The following DNMT1 variants were observed in gnomAD, a reference collection of about 807,000 sequenced individuals.
DNMT1 encodes DNA (cytosine-5)-methyltransferase 1.
Under a neutral mutation model 205.3 loss-of-function variants are expected in DNMT1, and 24 were observed. That is an observed-to-expected ratio of 0.12 (90% CI 0.08 to 0.16). DNMT1 has a LOEUF of 0.16. DNMT1 is among the 10% of genes least tolerant of loss of function. The pLI, the probability that DNMT1 is intolerant of heterozygous loss-of-function variation, is 1.00. For synonymous variants in DNMT1, 817 were observed against 839.8 expected, an observed-to-expected ratio of 0.97 and a Z score of 0.47; for missense variants, 1,293 against 2,177.7, an observed-to-expected ratio of 0.59 and a Z score of 8.09.
At chr19:10,157,792 C>T (rs1013885603) in intron 17 of DNMT1, among the ~76,000 whole-genome samples, 4 of 152,184 alleles carry the variant, frequency 2.6e-5, no homozygotes, top group Non-Finnish European at 5.9e-5. Flanking sequence ...ATGAAGCCAG[C>T]GTGGATCAAG....
At chr19:10,167,834 G>T (rs1036138146) in intron 10 of DNMT1, among the ~76,000 whole-genome samples, 25 of 152,266 alleles carry the variant, frequency 1.6e-4, no homozygotes, top group African/African-American at 4.8e-4. Flanking sequence ...GGGCCCTGGG[G>T]TTGGGAGGAG....
intron 11 of DNMT1, among the ~76,000 whole-genome samples, chr19:10,165,403 A>AT (rs1477464747): frequency 1.3e-5 from 2 of 151,972 alleles, no homozygotes; most frequent in African/African-American, 4.8e-5. Flanking sequence ...TTACCATATT[A>AT]TTTTTTTGAG....
chr19:10,150,099 TAA>T, intron 24 of DNMT1, 131 bp from the exon 25 acceptor site: 1 of 801,658 alleles, frequency 1.2e-6, no homozygotes, highest in Non-Finnish European at 2.1e-6. Context: ...GAGTTGCTGC[TAA>T]AGAGAACATC....
intron 1 of DNMT1, among the ~76,000 whole-genome samples, chr19:10,187,283 T>G (rs1248840986): frequency 6.6e-6 from 1 of 151,926 alleles, no homozygotes; most frequent in Non-Finnish European, 1.5e-5. Context: ...CTCTAACACC[T>G]CTACGCCAGA....
At chr19:10,152,298 C>T (rs1451140182) in intron 22 of DNMT1, among the ~76,000 whole-genome samples, 1 of 142,484 alleles carries the variant, frequency 7.0e-6, no homozygotes, top group Non-Finnish European at 1.5e-5. Context: ...GTGAGTCACA[C>T]AGCCCTTAGC....
Position 10,177,362 on chromosome 19 carries a change from G to A in DNMT1, c.499C>T (p.Pro167Ser), listed in dbSNP as rs1327078717. The change falls in exon 6 of 41, where the codon CCT (proline) becomes TCT (serine). Residue 167 changes from proline (P) to serine (S), a missense_variant. By Grantham distance (74) the Pro-to-Ser change is moderately conservative. Around this residue, in one of 13 missense-constraint regions of DNMT1, gnomAD observed 394 missense variants for 451.6 expected, o/e 0.87. Coordinates refer to ENST00000359526, the MANE Select transcript of DNMT1 (RefSeq NM_001130823.3). ...ASQVTGIRAEPSPSPRITRKS... is the reference protein window; with the variant it reads ...ASQVTGIRAESSPSPRITRKS... Reference sequence around the variant, plus strand: ...CTTGTAATCCTGGGGCTAGGTGAAGGTTCAGCTGTTTAAAGAAGAAAAAGC... The same window carrying A: ...CTTGTAATCCTGGGGCTAGGTGAAGATTCAGCTGTTTAAAGAAGAAAAAGC... 6.2e-7 allele frequency: 1 copy of A among 1,612,298 alleles called. No individual in the cohort carries two copies. The highest frequency in any genetic ancestry group is 8.5e-7 in the Non-Finnish European group (1 of 1,179,464).
In DNMT1 at chr19:10,173,105, T is replaced by G. The variant is rs768339415; in HGVS notation, c.753A>C (p.Glu251Asp). ...AGAGCTTTACTTTTTCATCTCTTTCTTCTTCCTTTTCAGTGCGCGTTCCTG... is the reference window on the plus strand; with the variant it reads ...AGAGCTTTACTTTTTCATCTCTTTCGTCTTCCTTTTCAGTGCGCGTTCCTG... ...AKSGTRTEKE[E>D]ERDEKEEKRL... The change falls in exon 9 of 41, where the codon GAA becomes GAC. Residue 251 changes from glutamate (E) to aspartate (D), a missense_variant. Coordinates refer to ENST00000359526, the MANE Select transcript of DNMT1 (RefSeq NM_001130823.3). The G allele has an allele frequency of 6.2e-7, 1 of 1,614,224 alleles. No individual in the cohort carries two copies. The highest frequency in any genetic ancestry group is 1.1e-5 in the South Asian group (1 of 91,090).
At chr19:10,183,092 T>C (rs199796216) in intron 1 of DNMT1, among the ~76,000 whole-genome samples, 58 of 138,564 alleles carry the variant, frequency 4.2e-4, no homozygotes, top group East Asian at 1.2e-3. Flanking sequence ...TATATATATA[T>C]ACACGTATAT....
intron 12 of DNMT1, 73 bp from the exon 13 acceptor site, chr19:10,162,821 TG>T: frequency 6.6e-7 from 1 of 1,519,664 alleles, no homozygotes; most frequent in Admixed American, 1.7e-5. Flanking sequence ...GCACGGAAAG[TG>T]ACAAACTAAT....
rs906682113 is a variant in DNMT1, at chr19:10,138,376, C to T, written c.4115+63G>A. ...CCCAAGCCTCACCAGGGAGTACTCA[C>T]GGGCCCCATGAGCTACTGAGGCCTG... is the stretch of plus-strand genomic sequence containing the variant. On this transcript the variant is annotated intron_variant, in intron 35 of 40. Coordinates refer to ENST00000359526, the MANE Select transcript of DNMT1 (RefSeq NM_001130823.3). This position sits in a 1 kb window ranked among gnomAD's most constrained non-coding sequence, Gnocchi z 4.1. 35 of 1,609,392 alleles carry T rather than the reference C, an allele frequency of 2.2e-5. No individual in the cohort carries two copies. The highest frequency in any genetic ancestry group is 1.1e-4 in the East Asian group (5 of 44,888).
intron 11 of DNMT1, among the ~76,000 whole-genome samples, chr19:10,163,833 A>T (rs984050787): frequency 2.0e-5 from 3 of 152,132 alleles, no homozygotes; most frequent in African/African-American, 7.2e-5. Flanking sequence ...GCTTGATGCC[A>T]GGAGTTCGAG....
At position 10,146,092 on chromosome 19, in the gene DNMT1, A is replaced by G. The variant is rs1268136667; in HGVS notation, c.2894+259T>C. On this transcript the variant is annotated intron_variant, in intron 28 of 40. Transcript: ENST00000359526. This position sits in a 1 kb window ranked among gnomAD's most constrained non-coding sequence, Gnocchi z 4.4. ...GATTCCCCACTGCCTCGGCCTCCCA[A>G]AGCGCTGGGATTACAGGCGTGAGAA... Among the ~76,000 whole-genome samples the G allele has an allele frequency of 6.6e-6, 1 of 152,096 alleles. No homozygotes were observed. Among genetic ancestry groups the G allele is most frequent in the African/African-American group, 2.4e-5 (1 of 41,444 alleles).
At chr19:10,162,437 T>C (rs972700809) in intron 13 of DNMT1, among the ~76,000 whole-genome samples, 1 of 151,446 alleles carries the variant, frequency 6.6e-6, no homozygotes, top group Non-Finnish European at 1.5e-5. Flanking sequence ...GCCCAGATAA[T>C]TTTTGTATTT....
At chr19:10,166,451 G>T in intron 11 of DNMT1, 147 bp downstream of exon 11, 3 of 933,782 alleles carry the variant, frequency 3.2e-6, no homozygotes, top group Middle Eastern at 4.3e-4. Context: ...GGAGGAAAAG[G>T]TGACCTTCCC....
Position 10,163,359 on chromosome 19 carries a change from T to A in DNMT1, c.893A>T (p.Asp298Val). The change falls in exon 12 of 41, where the codon GAT (aspartate) becomes GTT (valine). Residue 298 changes from aspartate to valine, a missense_variant and splice_region_variant. Physicochemically the swap from Asp to Val is radical, Grantham distance 152. Coordinates refer to ENST00000359526, the MANE Select transcript of DNMT1 (RefSeq NM_001130823.3). ...GGGTTGACTTCTGTGCTTCTTCTCATCCTGACAGAAAAATAAGGGGGAGGT... is the reference window on the plus strand; with the variant it reads ...GGGTTGACTTCTGTGCTTCTTCTCAACCTGACAGAAAAATAAGGGGGAGGT... ...ADEDEDGDEK[D>V]EKKHRSQPKD... The A allele has an allele frequency of 6.2e-7, 1 of 1,613,776 alleles. No individual in the cohort carries two copies. The highest frequency in any genetic ancestry group is 1.3e-5 in the African/African-American group (1 of 75,000).
Position 10,138,331 on chromosome 19 carries a change from T to A in DNMT1, c.4115+108A>T. On this transcript the variant is annotated intron_variant, in intron 35 of 40. Coordinates refer to ENST00000359526, the MANE Select transcript of DNMT1 (RefSeq NM_001130823.3). This position sits in a 1 kb window ranked among gnomAD's most constrained non-coding sequence, Gnocchi z 4.1. ...GCAGAGCACCGTGTGGCAGGGCAGA[T>A]GCTGTACCATCCTCTCCTCCCCAAG... 1 of 1,546,638 alleles carries A rather than the reference T, an allele frequency of 6.5e-7. No individual in the cohort carries two copies. The highest frequency in any genetic ancestry group is 2.3e-5 in the East Asian group (1 of 44,114).
intron 1 of DNMT1, among the ~76,000 whole-genome samples, chr19:10,192,753 G>A (rs1335020879): frequency 6.6e-6 from 1 of 152,112 alleles, no homozygotes; most frequent in Non-Finnish European, 1.5e-5. Context: ...GATTCAAGAA[G>A]ATATATACCC....
chr19:10,157,500 G>C (rs1398334232), intron 17 of DNMT1, among the ~76,000 whole-genome samples: 3 of 152,142 alleles, frequency 2.0e-5, no homozygotes, highest in Non-Finnish European at 2.9e-5. Context: ...AAAAAGACAT[G>C]AACTGGGTGT....
intron 9 of DNMT1, among the ~76,000 whole-genome samples, chr19:10,170,954 A>C (rs118183521): frequency 2.0e-4 from 30 of 152,094 alleles, no homozygotes; most frequent in Non-Finnish European, 3.7e-4. Flanking sequence ...GCCTGTTGTA[A>C]GCTCCACCAC....
Sources: gnomAD v4.1 joint callset for allele counts (sites outside exome capture counted in the v4.1 genomes callset) on GRCh38, gnomAD v4.1.1 for gene constraint, gnomAD v4.1.1 regional missense constraint, Gnocchi (gnomAD v3.1) non-coding constraint, MANE v1.5 for transcripts, NCBI Gene and HGNC (gene_info 2026-07-23, HGNC 2026-07-21) for gene names.